The following AP3B1 variants were observed in gnomAD, a reference collection of about 807,000 sequenced individuals.
AP3B1 encodes adaptor related protein complex 3 subunit beta 1.
Under a neutral mutation model 132.5 loss-of-function variants are expected in AP3B1, and 61 were observed. The observed-to-expected ratio is 0.46, with a 90% CI of 0.37 to 0.57. AP3B1 has a LOEUF of 0.57. Among genes scored for constraint, AP3B1 ranks in the 20% least tolerant of loss-of-function variants. The probability of loss-of-function intolerance (pLI) is 0.00; values close to 1 mark genes in which losing one functional copy is unlikely to be tolerated. For synonymous variants in AP3B1, 388 were observed against 438.3 expected (o/e 0.89, Z 1.43); for missense variants, 1,120 against 1,289.4 (o/e 0.87, Z 2.01).
At chr5:78,274,389 G>C (rs546645358) in intron 1 of AP3B1, among the ~76,000 whole-genome samples, 11 of 150,988 alleles carry the variant, frequency 7.3e-5, no homozygotes, top group African/African-American at 2.2e-4. Context: ...CAGAGCATCA[G>C]AGGCATATGA....
chr5:78,130,952 G>C (rs1752661984), intron 15 of AP3B1, among the ~76,000 whole-genome samples: 1 of 151,710 alleles, frequency 6.6e-6, no homozygotes, highest in Non-Finnish European at 1.5e-5. Context: ...TTTTCAATAT[G>C]TTAACAATTT....
intron 22 of AP3B1, among the ~76,000 whole-genome samples, chr5:78,077,037 G>A (rs1295509384): frequency 1.3e-5 from 2 of 152,158 alleles, no homozygotes; most frequent in Non-Finnish European, 2.9e-5. Flanking sequence ...GCTGGTGTCA[G>A]AAATCTTGGG....
chr5:78,138,032 A>C (rs1752988045), intron 15 of AP3B1, among the ~76,000 whole-genome samples: 1 of 152,238 alleles, frequency 6.6e-6, no homozygotes, highest in Admixed American at 6.5e-5. Flanking sequence ...TTAGTTTTAA[A>C]GATGGCTAAA....
intron 21 of AP3B1, among the ~76,000 whole-genome samples, chr5:78,098,392 C>CT (rs1051557611): frequency 3.3e-5 from 5 of 150,972 alleles, no homozygotes; most frequent in Admixed American, 1.3e-4. Context: ...ATAGGTTTTT[C>CT]TTTTTTTACC....
intron 17 of AP3B1, among the ~76,000 whole-genome samples, chr5:78,117,501 G>A (rs1288126435): frequency 1.3e-5 from 2 of 151,866 alleles, no homozygotes; most frequent in Non-Finnish European, 2.9e-5. Flanking sequence ...GTAGAGACAG[G>A]ATTTCACTAT....
At chr5:78,120,150 T>C (rs1464833705) in intron 17 of AP3B1, among the ~76,000 whole-genome samples, 1 of 152,116 alleles carries the variant, frequency 6.6e-6, no homozygotes, top group Admixed American at 6.5e-5. Flanking sequence ...TGAGAGAGTT[T>C]TGTCACCACC....
At chr5:78,085,542 A>G (rs1457287287) in intron 22 of AP3B1, among the ~76,000 whole-genome samples, 1 of 152,218 alleles carries the variant, frequency 6.6e-6, no homozygotes, top group African/African-American at 2.4e-5. Context: ...GTATTTCCTT[A>G]TAAGCACTAA....
rs976088439 is a variant in AP3B1, at chr5:78,187,554, C to T, written c.787-5892G>A. ...ATGGCAGTATATTATAACAGTAAAA[C>T]TACAAACCACTGCTCAAGGAAATCA... is the stretch of plus-strand genomic sequence containing the variant. On this transcript the variant is annotated intron_variant, in intron 7 of 26. Transcript: ENST00000255194. 2.6e-5 allele frequency among the ~76,000 whole-genome samples: 4 copies of T among 152,142 alleles called. No homozygotes were observed. The East Asian group carries it at 7.7e-4, about 29-fold the overall frequency.
chr5:78,262,382 T>C (rs1333342599), intron 2 of AP3B1, among the ~76,000 whole-genome samples: 4 of 152,202 alleles, frequency 2.6e-5, no homozygotes, highest in African/African-American at 9.6e-5. Context: ...CTTTGATCCA[T>C]TTTGGTTTAT....
chr5:78,222,457 C>T (rs1288059206), intron 6 of AP3B1: 1 of 152,320 alleles, frequency 6.6e-6, no homozygotes, highest in Non-Finnish European at 1.5e-5. Context: ...AAGTCTTGGC[C>T]TTTTTCTGCA....
Position 78,216,037 on chromosome 5 carries a change from A to C in AP3B1, c.786+18T>G. 1 of 1,613,508 alleles carries C rather than the reference A, an allele frequency of 6.2e-7. No homozygotes were observed. On this transcript the variant is annotated intron_variant, in intron 7 of 26. Coordinates refer to ENST00000255194, the MANE Select transcript of AP3B1 (RefSeq NM_003664.5). Reference sequence around the variant, plus strand: ...TTCTCTTAGTATACTTGAAAGTGGAAGACTGTTCAACACTTACCTCTTTCC... The same window carrying C: ...TTCTCTTAGTATACTTGAAAGTGGACGACTGTTCAACACTTACCTCTTTCC...
chr5:78,072,675 C>T lies in AP3B1; in HGVS notation c.2577+16718G>A, dbSNP rs1318297257. On this transcript the variant is annotated intron_variant, in intron 22 of 26. Transcript: ENST00000255194. ...TATAAAAGCTGTATATAATTATATT[C>T]CCTGAATGATTTGAGTAACAATGTG... Among the ~76,000 whole-genome samples, 19 of 149,256 alleles carry T rather than the reference C, an allele frequency of 1.3e-4. No homozygotes were observed. In the East Asian group the frequency reaches 1.6e-3, roughly 12 times the overall value.
chr5:78,087,517 G>A, intron 22 of AP3B1: 2 of 983,364 alleles, frequency 2.0e-6, no homozygotes, highest in Non-Finnish European at 2.4e-6. Context: ...TTTTATTGTT[G>A]CTGGTGAACT....
intron 2 of AP3B1, among the ~76,000 whole-genome samples, chr5:78,260,507 T>C (rs548250601): frequency 6.6e-6 from 1 of 152,064 alleles, no homozygotes; most frequent in South Asian, 2.1e-4. Context: ...GGCAGAAGAA[T>C]TGCTTGAACC....
intron 22 of AP3B1, among the ~76,000 whole-genome samples, chr5:78,076,168 GCAAAACTGTTA>G (rs1749759522): frequency 2.0e-5 from 3 of 152,120 alleles, no homozygotes; most frequent in Admixed American, 1.3e-4. Flanking sequence ...TTCCAAATGG[GCAAAACTGTTA>G]CAAAAAGGAG....
At chr5:78,280,072 CAAA>C (rs70997984) in intron 1 of AP3B1, among the ~76,000 whole-genome samples, 1 of 84,920 alleles carries the variant, frequency 1.2e-5, no homozygotes, top group Non-Finnish European at 2.3e-5. Flanking sequence ...GACTCTGTCT[CAAA>C]AAAAAAAAAA....
intron 1 of AP3B1, among the ~76,000 whole-genome samples, chr5:78,282,104 A>T (rs1424707399): frequency 6.6e-6 from 1 of 152,096 alleles, no homozygotes; most frequent in South Asian, 2.1e-4. Flanking sequence ...CCCATCCACC[A>T]ATGGACTGCC....
intron 6 of AP3B1, among the ~76,000 whole-genome samples, chr5:78,224,054 T>C (rs147269255): frequency 2.6e-5 from 4 of 152,240 alleles, no homozygotes; most frequent in South Asian, 2.1e-4. Flanking sequence ...GCACTTATAA[T>C]AGAAAAGCAC....
At chr5:78,123,017 G>C (rs1385454187) in intron 17 of AP3B1, among the ~76,000 whole-genome samples, 1 of 152,198 alleles carries the variant, frequency 6.6e-6, no homozygotes, top group African/African-American at 2.4e-5. Context: ...CAATGGAACA[G>C]AACAGAGCCC....
Sources: gnomAD v4.1 joint callset for allele counts (sites outside exome capture counted in the v4.1 genomes callset) on GRCh38, gnomAD v4.1.1 for gene constraint, MANE v1.5 for transcripts, NCBI Gene and HGNC (gene_info 2026-07-23, HGNC 2026-07-21) for gene names.